Variants in NRG3 observed in about 807,000 individuals in gnomAD.
NRG3 encodes pro-neuregulin-3, membrane-bound isoform.
Under a neutral mutation model 66.9 loss-of-function variants are expected in NRG3, and 31 were observed. That is an observed-to-expected ratio of 0.46 (90% CI 0.35 to 0.63). The LOEUF is 0.63. Ranked by LOEUF, NRG3 falls within the 20% of genes least tolerant of loss-of-function variation. NRG3 has a pLI of 0.00. For synonymous variants in NRG3, 393 were observed against 359.4 expected, an observed-to-expected ratio of 1.09 and a Z score of -1.06; for missense variants, 910 against 878.9, an observed-to-expected ratio of 1.04 and a Z score of -0.45.
intron 1 of NRG3, among the ~76,000 whole-genome samples, chr10:82,227,224 T>C (rs576988194): frequency 6.6e-6 from 1 of 152,104 alleles, no homozygotes; most frequent in African/African-American, 2.4e-5. Flanking sequence ...TCACTGCTGC[T>C]TTTTCCTCTT....
intron 1 of NRG3, among the ~76,000 whole-genome samples, chr10:82,185,893 A>G (rs1344442973): frequency 2.6e-5 from 4 of 152,188 alleles, no homozygotes; most frequent in African/African-American, 9.6e-5. Context: ...CGTGTAGTAT[A>G]TCACCCACTA....
intron 3 of NRG3, among the ~76,000 whole-genome samples, chr10:82,765,443 G>T (rs1207799848): frequency 6.6e-6 from 1 of 152,076 alleles, no homozygotes; most frequent in Non-Finnish European, 1.5e-5. Flanking sequence ...TAAATAAACA[G>T]AAAGTGAAAT....
intron 2 of NRG3, among the ~76,000 whole-genome samples, chr10:82,552,001 T>C (rs1312587928): frequency 1.3e-5 from 2 of 152,098 alleles, no homozygotes; most frequent in Non-Finnish European, 2.9e-5. Flanking sequence ...ATTCGAACTG[T>C]AGTTTCCCAC....
intron 2 of NRG3, among the ~76,000 whole-genome samples, chr10:82,378,221 G>C (rs1235822200): frequency 1.3e-5 from 2 of 152,206 alleles, no homozygotes; most frequent in African/African-American, 2.4e-5. Flanking sequence ...ACCTGGAAAA[G>C]TTACAGAGGG....
chr10:82,329,437 GT>G (rs529385530), intron 1 of NRG3, among the ~76,000 whole-genome samples: 16,285 of 112,994 alleles, frequency 0.14, 1,496 homozygotes, highest in East Asian at 0.32. Context: ...TTCCTTCTTG[GT>G]TTTTTTTTTT....
intron 1 of NRG3, among the ~76,000 whole-genome samples, chr10:81,997,154 C>T (rs1195593911): frequency 6.6e-6 from 1 of 152,048 alleles, no homozygotes; most frequent in Non-Finnish European, 1.5e-5. Context: ...CCTTCTGGGC[C>T]CCACAGTGCC....
chr10:82,221,842 T>G (rs1320382746), intron 1 of NRG3, among the ~76,000 whole-genome samples: 2 of 152,028 alleles, frequency 1.3e-5, no homozygotes. Flanking sequence ...ACTGAAGCCA[T>G]CCTGAAGTTT....
Position 82,591,215 on chromosome 10 carries a change from G to A in NRG3, c.954-147362G>A, listed in dbSNP as rs150515674. ...AAGGATTAATGTCCCAACCTATTCAGTTTAAAGTGGAGGAGTGCAGCAAAC... is the reference window on the plus strand; with the variant it reads ...AAGGATTAATGTCCCAACCTATTCAATTTAAAGTGGAGGAGTGCAGCAAAC... On this transcript the variant is annotated intron_variant, in intron 2 of 8. Coordinates refer to ENST00000372141, the MANE Select transcript of NRG3 (RefSeq NM_001010848.4). 2.5e-3 allele frequency among the ~76,000 whole-genome samples: 380 copies of A among 152,246 alleles called. 1 individual carries two copies. Among genetic ancestry groups the A allele is most frequent in the African/African-American group, 8.7e-3 (362 of 41,532 alleles).
intron 1 of NRG3, among the ~76,000 whole-genome samples, chr10:81,968,829 C>T (rs974876546): frequency 7.9e-5 from 12 of 152,190 alleles, no homozygotes; most frequent in African/African-American, 2.9e-4. Flanking sequence ...TACCCACCTG[C>T]ACCTTCTCTT....
At chr10:82,542,909 G>A (rs78601520) in intron 2 of NRG3, among the ~76,000 whole-genome samples, 1 of 130,056 alleles carries the variant, frequency 7.7e-6, no homozygotes, top group Non-Finnish European at 1.6e-5. Context: ...TTTTTTTTTT[G>A]AGAACGAGTT....
At chr10:82,348,508 C>T (rs1261243841) in intron 1 of NRG3, among the ~76,000 whole-genome samples, 1 of 150,192 alleles carries the variant, frequency 6.7e-6, no homozygotes, top group African/African-American at 2.5e-5. Flanking sequence ...ACATTTTTTC[C>T]TTCATTTCAA....
intron 2 of NRG3, among the ~76,000 whole-genome samples, chr10:82,698,642 T>C (rs1053805249): frequency 6.6e-6 from 1 of 152,188 alleles, no homozygotes; most frequent in Admixed American, 6.6e-5. Context: ...TACTGCACTC[T>C]TGTTCTATTT....
intron 1 of NRG3, among the ~76,000 whole-genome samples, chr10:81,923,712 T>G (rs920473900): frequency 4.5e-5 from 5 of 110,534 alleles, no homozygotes; most frequent in African/African-American, 1.8e-4. Context: ...GCTGTTTCTC[T>G]TAAGCCTTCC....
chr10:82,322,657 A>T (rs920823613), intron 1 of NRG3, among the ~76,000 whole-genome samples: 4 of 152,176 alleles, frequency 2.6e-5, no homozygotes, highest in African/African-American at 9.7e-5. Context: ...CAATGCATAC[A>T]GGTAAAGTGT....
intron 4 of NRG3, among the ~76,000 whole-genome samples, chr10:82,888,021 T>C (rs1222157253): frequency 1.3e-5 from 2 of 152,192 alleles, no homozygotes; most frequent in African/African-American, 4.8e-5. Context: ...TAATGATAAG[T>C]TTACAGATTT....
intron 1 of NRG3, among the ~76,000 whole-genome samples, chr10:82,127,496 C>G (rs2068525385): frequency 6.6e-6 from 1 of 152,062 alleles, no homozygotes; most frequent in South Asian, 2.1e-4. Context: ...TTCTCTCTCT[C>G]TCTTATCCAT....
At chr10:82,543,883 T>A (rs2043718467) in intron 2 of NRG3, among the ~76,000 whole-genome samples, 1 of 152,174 alleles carries the variant, frequency 6.6e-6, no homozygotes, top group Non-Finnish European at 1.5e-5. Flanking sequence ...AGTCAGGCAG[T>A]AAGATTCTCT....
chr10:82,177,880 G>A (rs994853217), intron 1 of NRG3, among the ~76,000 whole-genome samples: 6 of 152,046 alleles, frequency 3.9e-5, no homozygotes, highest in African/African-American at 1.4e-4. Context: ...AACCAGTAAG[G>A]AGAAGAAAAA....
chr10:82,913,169 G>T (rs369246804), intron 4 of NRG3, among the ~76,000 whole-genome samples: 1 of 152,122 alleles, frequency 6.6e-6, no homozygotes, highest in African/African-American at 2.4e-5. Context: ...AGCTTGCAGT[G>T]AGCTGGGATC....
Sources: allele counts gnomAD v4.1 joint callset (sites outside exome capture counted in the v4.1 genomes callset), GRCh38; gene constraint gnomAD v4.1.1; transcripts MANE v1.5; gene names NCBI Gene and HGNC (gene_info 2026-07-23, HGNC 2026-07-21).